Variants in RBFOX1 observed in about 807,000 individuals in gnomAD.
The protein encoded by RBFOX1 is RNA binding protein fox-1 homolog 1.
RBFOX1 carries 8 observed loss-of-function variants against 57.7 expected under a neutral mutation model. That is an observed-to-expected ratio of 0.14 (90% CI 0.08 to 0.25). The LOEUF (loss-of-function observed/expected upper bound fraction) is 0.25. RBFOX1 is among the 10% of genes least tolerant of loss of function. RBFOX1 has a pLI of 1.00. For missense variants in RBFOX1, 611 were observed against 548.5 expected, an observed-to-expected ratio of 1.11 and a Z score of -1.14; for synonymous variants, 326 against 222.4, an observed-to-expected ratio of 1.47 and a Z score of -4.15.
intron 4 of RBFOX1, among the ~76,000 whole-genome samples, chr16:7,232,108 C>A (rs910736814): frequency 1.3e-5 from 2 of 152,082 alleles, no homozygotes; most frequent in African/African-American, 4.8e-5. Flanking sequence ...ACTGCAAATT[C>A]CACCTCCTAG....
At chr16:6,930,741 C>G (rs2076367922) in intron 3 of RBFOX1, among the ~76,000 whole-genome samples, 1 of 152,106 alleles carries the variant, frequency 6.6e-6, no homozygotes, top group Admixed American at 6.5e-5. Flanking sequence ...GGTTTAACAT[C>G]TTTTTATATG....
chr16:7,581,657 A>C (rs573401496), intron 6 of RBFOX1, among the ~76,000 whole-genome samples: 237 of 152,260 alleles, frequency 1.6e-3, no homozygotes, highest in African/African-American at 5.3e-3. Context: ...GCAAGGAGCA[A>C]GATCTTGCCA....
At chr16:7,199,292 G>A (rs888023070) in intron 4 of RBFOX1, among the ~76,000 whole-genome samples, 1 of 151,914 alleles carries the variant, frequency 6.6e-6, no homozygotes, top group African/African-American at 2.4e-5. Flanking sequence ...GCCCTTTTAT[G>A]TTTAATAATT....
chr16:7,175,790 C>T (rs149663504), intron 4 of RBFOX1, among the ~76,000 whole-genome samples: 9 of 152,166 alleles, frequency 5.9e-5, no homozygotes, highest in Non-Finnish European at 1.0e-4. Flanking sequence ...CAGAGTAAAG[C>T]AAGTCTCTGC....
chr16:6,082,009 A>G (rs1266590989), intron 1 of RBFOX1, among the ~76,000 whole-genome samples: 2 of 152,148 alleles, frequency 1.3e-5, no homozygotes, highest in African/African-American at 4.8e-5. Flanking sequence ...GAGTCAAAGC[A>G]TAGTTTTGAA....
chr16:6,434,845 T>C (rs1393257656), intron 2 of RBFOX1, among the ~76,000 whole-genome samples: 1 of 152,224 alleles, frequency 6.6e-6, no homozygotes, highest in Non-Finnish European at 1.5e-5. Flanking sequence ...CTCATGATCC[T>C]TCATTTGGCA....
intron 3 of RBFOX1, among the ~76,000 whole-genome samples, chr16:5,617,803 C>A (rs527887036): frequency 6.6e-6 from 1 of 152,272 alleles, no homozygotes; most frequent in East Asian, 1.9e-4. Flanking sequence ...GGTCAGGTAG[C>A]CATTTATATT....
intron 3 of RBFOX1, among the ~76,000 whole-genome samples, chr16:6,796,261 G>A (rs181696560): frequency 3.3e-5 from 5 of 152,188 alleles, no homozygotes; most frequent in East Asian, 1.9e-4. Context: ...ACCCACCCCC[G>A]TAATTCAGTC....
chr16:6,989,520 A>T (rs981235273), intron 3 of RBFOX1, among the ~76,000 whole-genome samples: 2 of 152,210 alleles, frequency 1.3e-5, no homozygotes, highest in South Asian at 4.1e-4. Flanking sequence ...CTGATTTATT[A>T]GTTGCCTATC....
At chr16:5,765,303 G>T (rs2053736789) in intron 3 of RBFOX1, among the ~76,000 whole-genome samples, 1 of 152,148 alleles carries the variant, frequency 6.6e-6, no homozygotes, top group Non-Finnish European at 1.5e-5. Flanking sequence ...CAACACTGTG[G>T]TTTATAAAAG....
rs146491756 is a variant in RBFOX1 at position 6,563,377 on chromosome 16, T to G, written c.-63-91226T>G. Among the ~76,000 whole-genome samples the G allele has an allele frequency of 3.2e-3, 482 of 152,350 alleles. 5 individuals carry two copies. The highest frequency in any genetic ancestry group is 0.011 in the African/African-American group (465 of 41,586). Reference sequence around the variant, plus strand: ...TCATAGGAATCCATTTAAGTCCATCTTATTATTACCCTCATTTATCAGATG... The same window carrying G: ...TCATAGGAATCCATTTAAGTCCATCGTATTATTACCCTCATTTATCAGATG... On this transcript the variant is annotated intron_variant, in intron 2 of 15. Transcript: ENST00000550418.
intron 1 of RBFOX1, among the ~76,000 whole-genome samples, chr16:6,119,886 C>A (rs1273040121): frequency 6.6e-6 from 1 of 152,222 alleles, no homozygotes; most frequent in Non-Finnish European, 1.5e-5. Flanking sequence ...AGTTCTAAGA[C>A]ATTTTTATCA....
At chr16:7,339,376 G>T (rs2145050681) in intron 4 of RBFOX1, among the ~76,000 whole-genome samples, 1 of 152,294 alleles carries the variant, frequency 6.6e-6, no homozygotes, top group African/African-American at 2.4e-5. Flanking sequence ...CATGGGAAAA[G>T]CTAGCATATA....
At chr16:7,063,287 A>C (rs1423313551) in intron 4 of RBFOX1, among the ~76,000 whole-genome samples, 1 of 152,038 alleles carries the variant, frequency 6.6e-6, no homozygotes, top group South Asian at 2.1e-4. Context: ...CTGTAGGAGT[A>C]AGATATTCCC....
intron 3 of RBFOX1, among the ~76,000 whole-genome samples, chr16:5,762,649 C>T (rs2053631092): frequency 6.6e-6 from 1 of 152,130 alleles, no homozygotes; most frequent in Non-Finnish European, 1.5e-5. Context: ...GTAAGTGGTA[C>T]TCATTGCTGC....
chr16:6,502,482 A>G (rs1018013976), intron 2 of RBFOX1, among the ~76,000 whole-genome samples: 1 of 152,178 alleles, frequency 6.6e-6, no homozygotes, highest in Admixed American at 6.5e-5. Flanking sequence ...ATAGGATGGC[A>G]GTATAACCCA....
chr16:6,450,795 A>ATG (rs1567303045), intron 2 of RBFOX1, among the ~76,000 whole-genome samples: 3 of 16,218 alleles, frequency 1.8e-4, no homozygotes, highest in African/African-American at 9.1e-4. Context: ...ATATACATAT[A>ATG]TATATGTATA....
intron 4 of RBFOX1, among the ~76,000 whole-genome samples, chr16:7,132,433 GACACACACACACAC>G (rs36226659): frequency 0.071 from 10,293 of 144,860 alleles, 398 homozygotes; most frequent in Non-Finnish European, 0.086. Flanking sequence ...GTGATACACA[GACACACACACACAC>G]ACACACACAC....
At chr16:5,994,726 C>T (rs55667190) in intron 4 of RBFOX1, among the ~76,000 whole-genome samples, 184 of 152,200 alleles carry the variant, frequency 1.2e-3, no homozygotes, top group African/African-American at 3.7e-3. Flanking sequence ...TCAGGTGGCA[C>T]GCTGGATTTG....
Sources: gnomAD v4.1 joint callset for allele counts (sites outside exome capture counted in the v4.1 genomes callset) on GRCh38, gnomAD v4.1.1 for gene constraint, MANE v1.5 for transcripts, NCBI Gene and HGNC (gene_info 2026-07-23, HGNC 2026-07-21) for gene names.